Variants in DCC observed in about 807,000 individuals in gnomAD.
DCC encodes the protein netrin receptor DCC.
Under a neutral mutation model 172.5 loss-of-function variants are expected in DCC, and 58 were observed. The ratio of observed to expected loss-of-function variants is 0.34; its 90% confidence interval spans 0.27 to 0.42. The LOEUF (loss-of-function observed/expected upper bound fraction) is 0.42. Among genes scored for constraint, DCC ranks in the 10% least tolerant of loss-of-function variants. The pLI is 1.00. For synonymous variants in DCC, 709 were observed against 644.5 expected (o/e 1.10, Z -1.52); for missense variants, 1,740 against 1,791.0 (o/e 0.97, Z 0.51).
chr18:52,991,440 G>A (rs904350835), intron 5 of DCC, among the ~76,000 whole-genome samples: 18 of 152,154 alleles, frequency 1.2e-4, no homozygotes, highest in Non-Finnish European at 2.6e-4. Flanking sequence ...TAAAGTGTGA[G>A]TAATAGCAGA....
chr18:52,391,942 C>T lies in DCC; in HGVS notation c.91+51064C>T, dbSNP rs16954839. On this transcript the variant is annotated intron_variant, in intron 1 of 28. Transcript: ENST00000442544. ...CCACTGGGACAGCTAATGTCAGACA[C>T]AAATCTGTGTATCAGCTTTAAAGCT... 3.4e-3 allele frequency among the ~76,000 whole-genome samples: 519 copies of T among 152,280 alleles called. 6 individuals carry two copies. Among genetic ancestry groups the T allele is most frequent in the African/African-American group, 0.012 (495 of 41,570 alleles).
rs190114099 is a variant in DCC, at chr18:52,565,266, G to A, written c.92-186788G>A. 7.9e-4 allele frequency among the ~76,000 whole-genome samples: 120 copies of A among 152,284 alleles called. 1 individual carries two copies. Among genetic ancestry groups the A allele is most frequent in the African/African-American group, 2.7e-3 (112 of 41,546 alleles). ...TGATGGGCATTTGGGTTGGTTCCAAGTCTTTGCTATTGTGAATGGTGCTGC... is the reference window on the plus strand; with the variant it reads ...TGATGGGCATTTGGGTTGGTTCCAAATCTTTGCTATTGTGAATGGTGCTGC... On this transcript the variant is annotated intron_variant, in intron 1 of 28. Coordinates refer to ENST00000442544, the MANE Select transcript of DCC (RefSeq NM_005215.4).
chr18:52,761,908 CAAAAAAA>C (rs1222086354), intron 2 of DCC, among the ~76,000 whole-genome samples: 2 of 48,462 alleles, frequency 4.1e-5, no homozygotes, highest in Admixed American at 4.5e-4. Flanking sequence ...GACTCTGTCT[CAAAAAAA>C]AAAAAAAAAA....
intron 14 of DCC, among the ~76,000 whole-genome samples, chr18:53,323,897 G>C (rs1284543496): frequency 6.6e-6 from 1 of 152,186 alleles, no homozygotes; most frequent in Non-Finnish European, 1.5e-5. Context: ...CATCAAGAAT[G>C]AAACACAGAG....
At chr18:53,433,060 T>C (rs1296374581) in intron 21 of DCC, among the ~76,000 whole-genome samples, 1 of 152,130 alleles carries the variant, frequency 6.6e-6, no homozygotes, top group Non-Finnish European at 1.5e-5. Flanking sequence ...GTGATATTAA[T>C]CTAATTATAA....
chr18:52,396,863 T>C (rs1003788622), intron 1 of DCC, among the ~76,000 whole-genome samples: 19 of 152,036 alleles, frequency 1.2e-4, no homozygotes, highest in African/African-American at 4.6e-4. Context: ...GACATAGTTA[T>C]TGCCCCACGA....
At chr18:52,374,696 C>G (rs892959803) in intron 1 of DCC, among the ~76,000 whole-genome samples, 1 of 152,058 alleles carries the variant, frequency 6.6e-6, no homozygotes, top group Non-Finnish European at 1.5e-5. Flanking sequence ...ATAATATCAA[C>G]TTTGAGCTGG....
intron 1 of DCC, among the ~76,000 whole-genome samples, chr18:52,704,715 T>C (rs2036177481): frequency 6.6e-6 from 1 of 152,232 alleles, no homozygotes; most frequent in African/African-American, 2.4e-5. Context: ...GTCTCTCCTT[T>C]GTCACGCACT....
chr18:52,688,305 A>T (rs1412089780), intron 1 of DCC, among the ~76,000 whole-genome samples: 1 of 152,046 alleles, frequency 6.6e-6, no homozygotes, highest in African/African-American at 2.4e-5. Flanking sequence ...TTTCCCAGTA[A>T]CTCTGAAAAG....
chr18:53,478,701 A>G (rs1168014230), intron 25 of DCC, among the ~76,000 whole-genome samples: 2 of 152,226 alleles, frequency 1.3e-5, no homozygotes, highest in African/African-American at 4.8e-5. Flanking sequence ...AACATTCACT[A>G]TGAGAGCCAA....
chr18:52,448,923 A>T (rs756549213), intron 1 of DCC, among the ~76,000 whole-genome samples: 52 of 152,354 alleles, frequency 3.4e-4, no homozygotes, highest in Non-Finnish European at 6.3e-4. Context: ...CCTTAGAATA[A>T]TAGTCTTAAT....
chr18:53,060,501 G>A (rs927327037), intron 5 of DCC, among the ~76,000 whole-genome samples: 4 of 152,052 alleles, frequency 2.6e-5, no homozygotes, highest in Non-Finnish European at 5.9e-5. Flanking sequence ...GTGTGATGAC[G>A]GAAGCCTAAG....
At chr18:52,686,460 T>C (rs2035837173) in intron 1 of DCC, among the ~76,000 whole-genome samples, 1 of 152,132 alleles carries the variant, frequency 6.6e-6, no homozygotes, top group African/African-American at 2.4e-5. Flanking sequence ...AACACAACAG[T>C]ATCTGGCAGT....
At chr18:53,314,133 G>T (rs1568049891) in intron 13 of DCC, among the ~76,000 whole-genome samples, 1 of 152,124 alleles carries the variant, frequency 6.6e-6, no homozygotes, top group African/African-American at 2.4e-5. Context: ...TATTAAAAGA[G>T]CCTCCAGTAC....
At chr18:52,870,543 C>T (rs535306364) in intron 2 of DCC, among the ~76,000 whole-genome samples, 3 of 152,224 alleles carry the variant, frequency 2.0e-5, no homozygotes, top group Admixed American at 6.5e-5. Flanking sequence ...TTCCGGAGGC[C>T]GTAGGATTCA....
At chr18:52,996,752 C>T (rs1568234811) in intron 5 of DCC, among the ~76,000 whole-genome samples, 1 of 149,018 alleles carries the variant, frequency 6.7e-6, no homozygotes, top group Non-Finnish European at 1.5e-5. Flanking sequence ...TATTTCTCTT[C>T]TCAAACACAT....
intron 7 of DCC, among the ~76,000 whole-genome samples, chr18:53,117,139 C>T (rs1368908051): frequency 6.6e-6 from 1 of 151,734 alleles, no homozygotes; most frequent in Non-Finnish European, 1.5e-5. Context: ...CCATTGAAGG[C>T]ATCCATCCTT....
intron 1 of DCC, among the ~76,000 whole-genome samples, chr18:52,716,589 C>G (rs2036388364): frequency 6.6e-6 from 1 of 152,288 alleles, no homozygotes; most frequent in East Asian, 1.9e-4. Flanking sequence ...TAATTAAGAA[C>G]ACCATACAAT....
chr18:52,601,175 A>C (rs2034010188), intron 1 of DCC, among the ~76,000 whole-genome samples: 1 of 152,098 alleles, frequency 6.6e-6, no homozygotes, highest in Non-Finnish European at 1.5e-5. Flanking sequence ...TTAATGAAAC[A>C]GTCTCTTACT....
Sources: gnomAD v4.1 joint callset for allele counts (sites outside exome capture counted in the v4.1 genomes callset) on GRCh38, gnomAD v4.1.1 for gene constraint, MANE v1.5 for transcripts, NCBI Gene and HGNC (gene_info 2026-07-23, HGNC 2026-07-21) for gene names.